The following CLOCK variants were observed in gnomAD, a reference collection of about 807,000 sequenced individuals.
CLOCK encodes circadian locomoter output cycles protein kaput.
A neutral mutation model predicts 118.4 loss-of-function variants in CLOCK; 43 were observed. That is an observed-to-expected ratio of 0.36 (90% CI 0.28 to 0.47). The LOEUF is 0.47. CLOCK is among the 20% of genes least tolerant of loss of function. The pLI, the probability that CLOCK is intolerant of heterozygous loss-of-function variation, is 1.00. For missense variants in CLOCK, 846 were observed against 999.9 expected (o/e 0.85, Z 2.08); for synonymous variants, 326 against 339.2 (o/e 0.96, Z 0.43).
intron 2 of CLOCK, among the ~76,000 whole-genome samples, chr4:55,509,421 C>T (rs971946279): frequency 4.6e-5 from 7 of 152,134 alleles, no homozygotes; most frequent in Non-Finnish European, 8.8e-5. Context: ...AATGCAAACA[C>T]CACTCTTAGC....
chr4:55,462,581 C>T (rs956119396), intron 9 of CLOCK, among the ~76,000 whole-genome samples: 2 of 152,140 alleles, frequency 1.3e-5, no homozygotes, highest in Non-Finnish European at 2.9e-5. Context: ...GCCTGGCTGG[C>T]TTCCACCTTT....
intron 3 of CLOCK, among the ~76,000 whole-genome samples, chr4:55,485,123 G>A (rs972120011): frequency 6.6e-6 from 1 of 151,878 alleles, no homozygotes; most frequent in African/African-American, 2.4e-5. Flanking sequence ...ACCACCACAA[G>A]CCAGCTAATT....
At position 55,470,793 on chromosome 4, in the gene CLOCK, A is replaced by C. The variant is rs771374434; in HGVS notation, c.362T>G (p.Phe121Cys). The C allele has an allele frequency of 1.9e-6, 3 of 1,610,856 alleles. No homozygotes were observed. Among genetic ancestry groups the C allele is most frequent in the Non-Finnish European group, 2.5e-6 (3 of 1,177,880 alleles). The change falls in exon 8 of 23, where the codon TTT becomes TGT. Residue 121 changes from phenylalanine to cysteine, a missense_variant. This residue lies in a region of CLOCK where 246 missense variants were observed against 300.2 expected (regional missense o/e 0.82). Transcript: ENST00000513440. ...TQLMLEALDGFFLAIMTDGSI... is the reference protein window; with the variant it reads ...TQLMLEALDGCFLAIMTDGSI... ...TCCATCTGTCATGATTGCTAAAAAA[A>C]AACCATCAAGAGCCTGAAATTAAAC...
At chr4:55,454,409 G>GT (rs1724740831) in intron 13 of CLOCK, among the ~76,000 whole-genome samples, 1 of 151,996 alleles carries the variant, frequency 6.6e-6, no homozygotes, top group Non-Finnish European at 1.5e-5. Flanking sequence ...GAGGTCAGGA[G>GT]TTTGAGACCA....
intron 2 of CLOCK, among the ~76,000 whole-genome samples, chr4:55,494,560 C>T (rs1405550044): frequency 2.6e-5 from 4 of 151,622 alleles, no homozygotes; most frequent in African/African-American, 9.7e-5. Context: ...CATGGGGACT[C>T]GGGGAGAAGG....
intron 1 of CLOCK, among the ~76,000 whole-genome samples, chr4:55,532,476 G>A (rs1459266151): frequency 2.6e-5 from 4 of 151,776 alleles, no homozygotes; most frequent in African/African-American, 7.3e-5. Flanking sequence ...TTCAGGATCC[G>A]AAATCAACAC....
chr4:55,542,344 AAAT>A (rs530927235), intron 1 of CLOCK, among the ~76,000 whole-genome samples: 1,288 of 117,216 alleles, frequency 0.011, 26 homozygotes, highest in African/African-American at 0.036. Flanking sequence ...ACTCTGTCTC[AAAT>A]AATAATAATA....
At chr4:55,439,479 G>A (rs766598716) in intron 21 of CLOCK, among the ~76,000 whole-genome samples, 1 of 152,030 alleles carries the variant, frequency 6.6e-6, no homozygotes, top group Non-Finnish European at 1.5e-5. Flanking sequence ...ATTCACTATA[G>A]GATTACTATA....
intron 1 of CLOCK, among the ~76,000 whole-genome samples, chr4:55,517,459 G>A (rs747714668): frequency 5.3e-5 from 8 of 152,126 alleles, no homozygotes; most frequent in African/African-American, 9.7e-5. Context: ...GCAGTGAGCC[G>A]AGATCACGCC....
chr4:55,445,608 T>TTTTTG, intron 18 of CLOCK, among the ~76,000 whole-genome samples: 1 of 104,014 alleles, frequency 9.6e-6, no homozygotes, highest in Non-Finnish European at 2.0e-5. Context: ...TTTTTTTTTT[T>TTTTTG]GAGACAGGAT....
chr4:55,444,524 T>C (rs1442081766), intron 19 of CLOCK, 109 bp downstream of exon 19: 11 of 1,300,084 alleles, frequency 8.5e-6, no homozygotes, highest in South Asian at 3.6e-5. Flanking sequence ...TTGAACTGAA[T>C]TGATAAAACG....
chr4:55,542,542 A>C (rs1731348972), intron 1 of CLOCK, among the ~76,000 whole-genome samples: 1 of 151,760 alleles, frequency 6.6e-6, no homozygotes, highest in Admixed American at 6.6e-5. Flanking sequence ...TCAGCTAAAA[A>C]GAATTAAGGT....
intron 3 of CLOCK, among the ~76,000 whole-genome samples, chr4:55,486,169 T>C (rs1464545057): frequency 2.0e-5 from 3 of 152,216 alleles, no homozygotes; most frequent in Non-Finnish European, 2.9e-5. Flanking sequence ...CCATATAGTA[T>C]ACTATAATTA....
intron 21 of CLOCK, 148 bp downstream of exon 21, chr4:55,442,284 C>T: frequency 1.4e-6 from 1 of 729,272 alleles, no homozygotes; most frequent in Non-Finnish European, 2.3e-6. Flanking sequence ...TGAATACATT[C>T]AGTGTTTTTA....
At chr4:55,489,586 A>G (rs1361385899) in intron 2 of CLOCK, 121 bp from the exon 3 acceptor site, 2 of 152,160 alleles carry the variant, frequency 1.3e-5, no homozygotes, top group Non-Finnish European at 2.9e-5. Context: ...TATATAACCA[A>G]TTTTAAATTC....
chr4:55,475,347 T>A (rs1228630396), intron 7 of CLOCK, among the ~76,000 whole-genome samples: 1 of 152,198 alleles, frequency 6.6e-6, no homozygotes. Context: ...AACAAAGTGA[T>A]TTCTTGAGAT....
rs1475991117 is a variant in CLOCK, at chr4:55,429,575, T to C, written c.*5840A>G. The C allele has an allele frequency of 6.6e-6, 1 of 152,188 alleles. No homozygotes were observed. Among genetic ancestry groups the C allele is most frequent in the Non-Finnish European group, 1.5e-5 (1 of 68,024 alleles). 9.4% of individuals were successfully genotyped at this position (152,188 alleles called of 1,614,324 possible). A position where few individuals can be genotyped will look rare whatever the true frequency, so the allele number is the denominator to read the frequency against. ...AGCCTGTATACATTATTCCGCCAAA[T>C]TTAAGAACTTTAAATGGATTTTAAT... On this transcript the variant is annotated 3_prime_UTR_variant, in exon 23 of 23. Transcript: ENST00000513440.
chr4:55,453,191 C>G, intron 14 of CLOCK, 62 bp from the exon 15 acceptor site: 1 of 1,295,452 alleles, frequency 7.7e-7, no homozygotes, highest in African/African-American at 1.5e-5. Flanking sequence ...TACTGCACAG[C>G]TGTAACTATT....
At chr4:55,470,661 GA>G (rs1293067196) in intron 8 of CLOCK, 55 bp downstream of exon 8, 8 of 1,250,126 alleles carry the variant, frequency 6.4e-6, no homozygotes, top group Non-Finnish European at 9.4e-6. Context: ...CAGTGCTTTA[GA>G]ATATTTAAAA....
Sources: gnomAD v4.1 joint callset for allele counts (sites outside exome capture counted in the v4.1 genomes callset) on GRCh38, gnomAD v4.1.1 for gene constraint, gnomAD v4.1.1 regional missense constraint, MANE v1.5 for transcripts, NCBI Gene and HGNC (gene_info 2026-07-23, HGNC 2026-07-21) for gene names.